SLX4IP: variants seen among roughly 807,000 people sequenced by gnomAD.
SLX4IP encodes the protein SLX4 interacting protein, also known as protein SLX4IP.
Under a neutral mutation model 32.9 loss-of-function variants are expected in SLX4IP, and 34 were observed. The observed-to-expected ratio is 1.03, with a 90% CI of 0.79 to 1.38. The LOEUF (loss-of-function observed/expected upper bound fraction) is 1.38, where lower values mean the gene tolerates loss of function less well. Ranked by LOEUF, SLX4IP falls within the 40% of genes most tolerant of loss-of-function variation. The probability of loss-of-function intolerance (pLI) is 0.00; values close to 1 mark genes in which losing one functional copy is unlikely to be tolerated. For missense variants in SLX4IP, 444 were observed against 479.0 expected (o/e 0.93, Z 0.68); for synonymous variants, 172 against 171.7 (o/e 1.00, Z -0.01).
chr20:10,584,570 C>A, intron 4 of SLX4IP, among the ~76,000 whole-genome samples: 1 of 152,172 alleles, frequency 6.6e-6, no homozygotes, highest in African/African-American at 2.4e-5. Flanking sequence ...TCAGAATTCC[C>A]TGGAGCTCTT....
chr20:10,455,845 A>G (rs2065280713), intron 1 of SLX4IP, among the ~76,000 whole-genome samples: 2 of 152,100 alleles, frequency 1.3e-5, no homozygotes, highest in Admixed American at 1.3e-4. Flanking sequence ...TCCTGGCCTC[A>G]AGTGATTTGC....
intron 2 of SLX4IP, among the ~76,000 whole-genome samples, chr20:10,508,173 T>G (rs944869931): frequency 1.4e-4 from 21 of 152,226 alleles, no homozygotes; most frequent in African/African-American, 5.1e-4. Flanking sequence ...AGTGCTCACC[T>G]GGCCGGAGTC....
intron 6 of SLX4IP, among the ~76,000 whole-genome samples, chr20:10,616,968 T>C (rs1008489362): frequency 4.6e-5 from 7 of 152,204 alleles, no homozygotes; most frequent in African/African-American, 1.7e-4. Flanking sequence ...CGGATTCTGC[T>C]CAGTTATCAA....
Position 10,627,292 on chromosome 20 carries a change from C to G in SLX4IP, c.*3913C>G, listed in dbSNP as rs895893246. ...TTTGTCAAGACAAGAGAATTCATTCCTTATTATTGAAACATTAATGAACTG... is the reference window on the plus strand; with the variant it reads ...TTTGTCAAGACAAGAGAATTCATTCGTTATTATTGAAACATTAATGAACTG... On this transcript the variant is annotated 3_prime_UTR_variant, in exon 8 of 8. Transcript: ENST00000334534. The G allele has an allele frequency of 6.6e-6, 1 of 152,130 alleles. No homozygotes were observed. The highest frequency in any genetic ancestry group is 1.5e-5 in the Non-Finnish European group (1 of 68,028). The allele number at this position is 152,130 out of a possible 1,614,324, so 9.4% of individuals were successfully genotyped here.
chr20:10,553,677 A>G (rs550747881), intron 2 of SLX4IP, among the ~76,000 whole-genome samples: 161 of 152,372 alleles, frequency 1.1e-3, no homozygotes, highest in Non-Finnish European at 1.7e-3. Context: ...GCTTTCCATC[A>G]TAACTGAGTA....
chr20:10,541,316 T>TGCAGGATGGGATTCCCC (rs1393789547), intron 2 of SLX4IP, among the ~76,000 whole-genome samples: 1 of 152,210 alleles, frequency 6.6e-6, no homozygotes, highest in Non-Finnish European at 1.5e-5. Context: ...TGGAATTCCC[T>TGCAGGATGGGATTCCCC]GCAGGATGGG....
chr20:10,597,052 C>T (rs2066779019), intron 4 of SLX4IP, among the ~76,000 whole-genome samples: 2 of 152,340 alleles, frequency 1.3e-5, no homozygotes, highest in African/African-American at 4.8e-5. Flanking sequence ...TCAGAGCCAT[C>T]GCTTGTTTAG....
At chr20:10,437,991 A>C (rs1439602526) in intron 1 of SLX4IP, among the ~76,000 whole-genome samples, 1 of 152,248 alleles carries the variant, frequency 6.6e-6, no homozygotes, top group Non-Finnish European at 1.5e-5. Context: ...AGATAAATTC[A>C]TACAAGAAAA....
intron 2 of SLX4IP, among the ~76,000 whole-genome samples, chr20:10,545,087 C>T (rs2066148963): frequency 6.6e-6 from 1 of 152,084 alleles, no homozygotes; most frequent in African/African-American, 2.4e-5. Context: ...TCAGGAGATG[C>T]TGTGGCTGCT....
chr20:10,552,572 C>G (rs1397753090), intron 2 of SLX4IP, among the ~76,000 whole-genome samples: 2 of 152,046 alleles, frequency 1.3e-5, no homozygotes, highest in East Asian at 3.9e-4. Context: ...AGGGGACTGC[C>G]TGCCAAACAG....
Position 10,621,407 on chromosome 20 carries a change from A to G in SLX4IP, c.499A>G (p.Lys167Glu). 1 of 1,614,086 alleles carries G rather than the reference A, an allele frequency of 6.2e-7. No homozygotes were observed. Among genetic ancestry groups the G allele is most frequent in the Non-Finnish European group, 8.5e-7 (1 of 1,179,956 alleles). Residue 167 changes from lysine to glutamate, a missense_variant, in exon 7 of 8, where the codon AAA becomes GAA. Physicochemically the swap from Lys to Glu is moderately conservative, Grantham distance 56. Coordinates refer to ENST00000334534, the MANE Select transcript of SLX4IP (RefSeq NM_001009608.3). ...PSAKLRRNAL[K>E]EIVKRTETKS... is the part of the protein sequence containing the mutation. ...TGCAAAGCTCCGGAGAAATGCTCTG[A>G]AAGAAATGTAGGTGCAATGTGTTTC...
chr20:10,570,654 A>T (rs553186637), intron 4 of SLX4IP, among the ~76,000 whole-genome samples: 1 of 150,328 alleles, frequency 6.7e-6, no homozygotes, highest in East Asian at 2.0e-4. Context: ...TCAGCCTCCT[A>T]AGTAGCTGGG....
At chr20:10,608,708 T>G (rs1183396272) in intron 6 of SLX4IP, among the ~76,000 whole-genome samples, 2 of 150,120 alleles carry the variant, frequency 1.3e-5, no homozygotes, top group Non-Finnish European at 3.0e-5. Context: ...ATAGAAAGTC[T>G]AAGGCACTTA....
At chr20:10,556,207 G>A in intron 2 of SLX4IP, 24 bp from the exon 3 acceptor site, 1 of 1,606,954 alleles carries the variant, frequency 6.2e-7, no homozygotes, top group Non-Finnish European at 8.5e-7. Context: ...CACAGACACT[G>A]ACTCTGCCAT....
At chr20:10,529,947 A>C (rs1054838893) in intron 2 of SLX4IP, among the ~76,000 whole-genome samples, 3 of 152,168 alleles carry the variant, frequency 2.0e-5, no homozygotes, top group African/African-American at 7.2e-5. Context: ...ATGGAGCAAA[A>C]GTTGGGAGCA....
Position 10,560,824 on chromosome 20 carries a change from G to A in SLX4IP, c.238+4G>A. 1 of 1,569,010 alleles carries A rather than the reference G, an allele frequency of 6.4e-7. No homozygotes were observed. The highest frequency in any genetic ancestry group is 8.6e-7 in the Non-Finnish European group (1 of 1,162,438). Reference sequence around the variant, plus strand: ...TCCAATCCCTTGTCCTTAAAAGGTAGGCACAGAGCACTTTGATTTTGGACA... The same window carrying A: ...TCCAATCCCTTGTCCTTAAAAGGTAAGCACAGAGCACTTTGATTTTGGACA... On this transcript the variant is annotated splice_donor_region_variant and intron_variant, in intron 4 of 7. Coordinates refer to ENST00000334534, the MANE Select transcript of SLX4IP (RefSeq NM_001009608.3).
chr20:10,587,900 G>A (rs2066663302), intron 4 of SLX4IP, among the ~76,000 whole-genome samples: 1 of 152,082 alleles, frequency 6.6e-6, no homozygotes, highest in Non-Finnish European at 1.5e-5. Context: ...TCTAGTAGAA[G>A]AAGTTGGGAA....
chr20:10,560,854 A>G, intron 4 of SLX4IP, 34 bp downstream of exon 4: 1 of 1,538,250 alleles, frequency 6.5e-7, no homozygotes, highest in Non-Finnish European at 8.7e-7. Flanking sequence ...TGGACAAAAA[A>G]TAAATAGAAT....
chr20:10,473,286 G>T (rs925996906), intron 2 of SLX4IP, among the ~76,000 whole-genome samples: 1 of 152,150 alleles, frequency 6.6e-6, no homozygotes, highest in East Asian at 1.9e-4. Flanking sequence ...GCAACTAAGG[G>T]CAGTAGGAGA....
Sources: allele counts gnomAD v4.1 joint callset (sites outside exome capture counted in the v4.1 genomes callset), GRCh38; gene constraint gnomAD v4.1.1; transcripts MANE v1.5; gene names NCBI Gene and HGNC (gene_info 2026-07-23, HGNC 2026-07-21).